OAS2: variants seen among roughly 807,000 people sequenced by gnomAD.
The protein encoded by OAS2 is 2'-5'-oligoadenylate synthase 2.
Under a neutral mutation model 71.3 loss-of-function variants are expected in OAS2, and 67 were observed. That is an observed-to-expected ratio of 0.94 (90% CI 0.77 to 1.15). The LOEUF (loss-of-function observed/expected upper bound fraction) is 1.15, where lower values mean the gene tolerates loss of function less well. Ranked by LOEUF, OAS2 falls within the 50% of genes most tolerant of loss-of-function variation. The pLI is 0.00. For synonymous variants in OAS2, 327 were observed against 321.8 expected (o/e 1.02, Z -0.17); for missense variants, 789 against 822.5 (o/e 0.96, Z 0.50).
intron 2 of OAS2, among the ~76,000 whole-genome samples, chr12:112,993,004 T>C (rs2044204789): frequency 1.3e-5 from 2 of 152,184 alleles, no homozygotes; most frequent in Admixed American, 1.3e-4. Context: ...CCACATGTGC[T>C]ACCCAGAAGC....
At chr12:112,997,854 C>A in intron 4 of OAS2, 99 bp downstream of exon 4, 1 of 1,017,382 alleles carries the variant, frequency 9.8e-7, no homozygotes, top group Non-Finnish European at 1.4e-6. Flanking sequence ...CAAGCCAGTG[C>A]TGGACCAGAA....
chr12:112,992,540 GTACCTT>G (rs1159776489), intron 2 of OAS2, among the ~76,000 whole-genome samples: 2 of 152,138 alleles, frequency 1.3e-5, no homozygotes, highest in African/African-American at 2.4e-5. Flanking sequence ...CATGGCCAGA[GTACCTT>G]CCATCACCTA....
intron 2 of OAS2, chr12:112,988,385 G>A (rs1481025868): frequency 2.1e-5 from 7 of 340,844 alleles, no homozygotes; most frequent in Non-Finnish European, 2.9e-5. Context: ...GGAAAATGAT[G>A]TACTGAAAAT....
intron 7 of OAS2, 60 bp from the exon 8 acceptor site, chr12:113,006,353 T>C (rs1191056651): frequency 7.4e-7 from 1 of 1,347,390 alleles, no homozygotes; most frequent in Non-Finnish European, 1.0e-6. Context: ...CAAAAATGTT[T>C]TGGAATCTGT....
Position 113,002,986 on chromosome 12 carries a change from T to C in OAS2, c.1063T>C (p.Phe355Leu). ...GHLLDKFIKE[F>L]LQPNKCFLEQ... is the part of the protein sequence containing the mutation. ...CCTTCTGGATAAGTTCATCAAGGAG[T>C]TTCTCCAGCCCAACAAATGCTTCCT... The change falls in exon 6 of 10, where the codon TTT becomes CTT. Residue 355 changes from phenylalanine to leucine, a missense_variant. Coordinates refer to ENST00000392583, the MANE Select transcript of OAS2 (RefSeq NM_002535.3). The C allele has an allele frequency of 6.2e-7, 1 of 1,614,148 alleles. No homozygotes were observed. The highest frequency in any genetic ancestry group is 8.5e-7 in the Non-Finnish European group (1 of 1,180,004).
Position 113,010,367 on chromosome 12 carries a change from T to A in OAS2, c.*1112T>A. ...CATTGCTCTCCCACGTATGTTTTTC[T>A]TTTTAGACAATGCAGACACCAGGAA... On this transcript the variant is annotated 3_prime_UTR_variant, in exon 10 of 10. Coordinates refer to ENST00000392583, the MANE Select transcript of OAS2 (RefSeq NM_002535.3). The A allele has an allele frequency of 6.2e-7, 1 of 1,610,750 alleles. No homozygotes were observed. The highest frequency in any genetic ancestry group is 8.5e-7 in the Non-Finnish European group (1 of 1,178,994).
intron 5 of OAS2, among the ~76,000 whole-genome samples, chr12:113,000,340 G>A (rs920092142): frequency 6.6e-6 from 1 of 152,182 alleles, no homozygotes; most frequent in Non-Finnish European, 1.5e-5. Flanking sequence ...GATACTCACT[G>A]TGGCTGTTTT....
intron 1 of OAS2, among the ~76,000 whole-genome samples, chr12:112,982,148 G>A (rs996101854): frequency 1.3e-5 from 2 of 151,966 alleles, no homozygotes; most frequent in Non-Finnish European, 2.9e-5. Context: ...AGGTTTTTCT[G>A]TATAGAAGAT....
chr12:112,998,431 C>G, intron 5 of OAS2, 21 bp downstream of exon 5: 1 of 1,602,250 alleles, frequency 6.2e-7, no homozygotes, highest in Non-Finnish European at 8.5e-7. Context: ...TTTCCAAATA[C>G]AGGGTGTTTC....
At chr12:112,984,478 A>G (rs2044114136) in intron 1 of OAS2, among the ~76,000 whole-genome samples, 1 of 152,110 alleles carries the variant, frequency 6.6e-6, no homozygotes, top group Admixed American at 6.5e-5. Context: ...CAGTGAGTTT[A>G]TTGGAGGCAG....
intron 6 of OAS2, 141 bp from the exon 7 acceptor site, chr12:113,004,793 T>C: frequency 1.4e-6 from 1 of 707,892 alleles, no homozygotes; most frequent in Non-Finnish European, 2.3e-6. Flanking sequence ...ACCCTTTGCT[T>C]TGGACTCAGC....
chr12:112,987,284 G>A lies in OAS2; in HGVS notation c.424G>A (p.Val142Met). ...AAAAAATCAGAGAATCTCTTTCGAGGTGCTGGCCGCCTTCAACGCTCTGAG... is the reference window on the plus strand; with the variant it reads ...AAAAAATCAGAGAATCTCTTTCGAGATGCTGGCCGCCTTCAACGCTCTGAG... ...FTKNQRISFE[V>M]LAAFNALSLN... is the part of the protein sequence containing the mutation. Residue 142 changes from valine (V) to methionine (M), a missense_variant, in exon 2 of 10, where the codon GTG becomes ATG. Transcript: ENST00000392583. 2 of 1,614,216 alleles carry A rather than the reference G, an allele frequency of 1.2e-6. No homozygotes were observed. The highest frequency in any genetic ancestry group is 1.1e-5 in the South Asian group (1 of 91,086).
chr12:113,005,186 G>A lies in OAS2; in HGVS notation c.1432G>A (p.Val478Ile). 6.2e-7 allele frequency: 1 copy of A among 1,614,048 alleles called. No homozygotes were observed. The highest frequency in any genetic ancestry group is 1.6e-4 in the Middle Eastern group (1 of 6,062). ...GAAATCCAAAGTCCTCAACGAAAGT[G>A]TCAGCTTTGATGTGCTTCCTGCCTT... ...SLKSKVLNESVSFDVLPAFNA... is the reference protein window; with the variant it reads ...SLKSKVLNESISFDVLPAFNA... The change falls in exon 7 of 10, where the codon GTC (valine) becomes ATC (isoleucine). Residue 478 changes from valine (V) to isoleucine (I), a missense_variant. Val to Ile is a conservative substitution (Grantham distance 29, BLOSUM62 3). Coordinates refer to ENST00000392583, the MANE Select transcript of OAS2 (RefSeq NM_002535.3).
chr12:113,008,353 A>G lies in OAS2; in HGVS notation c.1895+410A>G, dbSNP rs542280716. Among the ~76,000 whole-genome samples, 3 of 152,322 alleles carry G rather than the reference A, an allele frequency of 2.0e-5. No individual in the cohort carries two copies. The South Asian group carries it at 6.2e-4, about 32-fold the overall frequency. Reference sequence around the variant, plus strand: ...GGGCCACCAGCAAGGGACAAAAACAATGGAAACCAGAGGAAAGGAAAGAGA... The same window carrying G: ...GGGCCACCAGCAAGGGACAAAAACAGTGGAAACCAGAGGAAAGGAAAGAGA... On this transcript the variant is annotated intron_variant, in intron 9 of 9. Coordinates refer to ENST00000392583, the MANE Select transcript of OAS2 (RefSeq NM_002535.3).
At chr12:113,008,570 C>CT (rs1173737750) in intron 9 of OAS2, among the ~76,000 whole-genome samples, 1 of 152,148 alleles carries the variant, frequency 6.6e-6, no homozygotes, top group Non-Finnish European at 1.5e-5. Context: ...CAATTAACAG[C>CT]TTTCAAAACG....
chr12:112,980,533 C>G (rs1434529202), intron 1 of OAS2, among the ~76,000 whole-genome samples: 3 of 152,112 alleles, frequency 2.0e-5, no homozygotes, highest in African/African-American at 7.2e-5. Flanking sequence ...ACATAATGAC[C>G]TCTAGTTCCA....
rs775763971 is a variant in OAS2 at position 113,007,781 on chromosome 12, A to T, written c.1733A>T (p.Glu578Val). The change falls in exon 9 of 10, where the codon GAG (glutamate) becomes GTG (valine). Residue 578 changes from glutamate to valine, a missense_variant. Transcript: ENST00000392583. ...ALELLTIYAW[E>V]QGSGVPDFDT... Reference sequence around the variant, plus strand: ...GAGCTGCTCACCATCTATGCCTGGGAGCAGGGGAGTGGAGTGCCGGATTTT... The same window carrying T: ...GAGCTGCTCACCATCTATGCCTGGGTGCAGGGGAGTGGAGTGCCGGATTTT... The T allele has an allele frequency of 4.3e-6, 7 of 1,614,018 alleles. No individual in the cohort carries two copies. The South Asian group carries it at 7.7e-5, about 18-fold the overall frequency.
At chr12:112,986,489 G>A (rs1048583602) in intron 1 of OAS2, among the ~76,000 whole-genome samples, 1 of 152,158 alleles carries the variant, frequency 6.6e-6, no homozygotes, top group Non-Finnish European at 1.5e-5. Flanking sequence ...CAGGCCCTTG[G>A]GAGACACATG....
At chr12:112,979,243 A>G (rs2044057170) in intron 1 of OAS2, among the ~76,000 whole-genome samples, 2 of 152,032 alleles carry the variant, frequency 1.3e-5, no homozygotes, top group African/African-American at 4.8e-5. Context: ...AGTTAGAAAT[A>G]TTTGGTTTTG....
Sources: gnomAD v4.1 joint callset for allele counts (sites outside exome capture counted in the v4.1 genomes callset) on GRCh38, gnomAD v4.1.1 for gene constraint, MANE v1.5 for transcripts, NCBI Gene and HGNC (gene_info 2026-07-23, HGNC 2026-07-21) for gene names.